The following CFAP77 variants were observed in gnomAD, a reference collection of about 807,000 sequenced individuals.
CFAP77 encodes cilia and flagella associated protein 77, also known as cilia- and flagella-associated protein 77.
In CFAP77, 25 loss-of-function variants were observed where a neutral mutation model predicts 31.1. That is an observed-to-expected ratio of 0.80 (90% CI 0.59 to 1.12). The LOEUF is 1.12. Ranked by LOEUF, CFAP77 falls within the 50% of genes most tolerant of loss-of-function variation. CFAP77 has a pLI of 0.00. For missense variants in CFAP77, 377 were observed against 397.3 expected, an observed-to-expected ratio of 0.95 and a Z score of 0.44; for synonymous variants, 151 against 159.9, an observed-to-expected ratio of 0.94 and a Z score of 0.42.
chr9:132,452,475 G>A (rs1300212566), intron 1 of CFAP77, among the ~76,000 whole-genome samples: 1 of 152,216 alleles, frequency 6.6e-6, no homozygotes, highest in Non-Finnish European at 1.5e-5. Context: ...CCAGGTTGGT[G>A]AGCAGTCCAG....
At chr9:132,525,056 GACGCC>G (rs1032966743) in intron 3 of CFAP77, among the ~76,000 whole-genome samples, 3 of 142,796 alleles carry the variant, frequency 2.1e-5, no homozygotes, top group Admixed American at 7.0e-5. Flanking sequence ...GCCTCATTGT[GACGCC>G]CAGGTTGGAG....
intron 1 of CFAP77, among the ~76,000 whole-genome samples, chr9:132,421,049 C>T (rs1850208277): frequency 6.7e-6 from 1 of 148,978 alleles, no homozygotes; most frequent in African/African-American, 2.5e-5. Context: ...GCTTTGTCAC[C>T]CAGGCTGGAG....
At chr9:132,486,006 A>ATG (rs1177608761) in intron 1 of CFAP77, among the ~76,000 whole-genome samples, 1 of 30,866 alleles carries the variant, frequency 3.2e-5, no homozygotes, top group African/African-American at 2.0e-4. Context: ...ATATATATAT[A>ATG]TATATATATA....
chr9:132,420,219 G>A (rs115144595), intron 1 of CFAP77, among the ~76,000 whole-genome samples: 1,985 of 151,446 alleles, frequency 0.013, 40 homozygotes, highest in African/African-American at 0.045. Flanking sequence ...ACGTTTAAGC[G>A]TTGAGGCAGG....
At chr9:132,526,248 G>C (rs1408558649) in intron 3 of CFAP77, among the ~76,000 whole-genome samples, 1 of 150,032 alleles carries the variant, frequency 6.7e-6, no homozygotes. Flanking sequence ...TTTATTTTTT[G>C]AGATGGAGTC....
At chr9:132,456,737 C>T (rs1176716686) in intron 1 of CFAP77, among the ~76,000 whole-genome samples, 1 of 152,076 alleles carries the variant, frequency 6.6e-6, no homozygotes, top group Admixed American at 6.6e-5. Flanking sequence ...GCTGATCCAA[C>T]TGGAGATTTA....
At chr9:132,531,842 T>TC (rs1247350901) in intron 3 of CFAP77, among the ~76,000 whole-genome samples, 1 of 152,032 alleles carries the variant, frequency 6.6e-6, no homozygotes, top group African/African-American at 2.4e-5. Flanking sequence ...CAAGCCCCTT[T>TC]CCCAGTAATA....
intron 3 of CFAP77, among the ~76,000 whole-genome samples, chr9:132,529,740 T>C (rs1197455209): frequency 6.6e-6 from 1 of 150,646 alleles, no homozygotes. Flanking sequence ...ACAGGAGAGT[T>C]GCTTGAACCC....
intron 1 of CFAP77, among the ~76,000 whole-genome samples, chr9:132,421,994 C>T (rs1337271737): frequency 6.6e-6 from 1 of 151,760 alleles, no homozygotes; most frequent in African/African-American, 2.4e-5. Flanking sequence ...GTGGATAAGA[C>T]AGCCTTAGTC....
At chr9:132,423,039 A>G (rs887154790) in intron 1 of CFAP77, among the ~76,000 whole-genome samples, 6 of 152,176 alleles carry the variant, frequency 3.9e-5, no homozygotes, top group Non-Finnish European at 5.9e-5. Context: ...TGCTGGAGCA[A>G]TTCCGGGGAG....
intron 1 of CFAP77, among the ~76,000 whole-genome samples, chr9:132,452,982 T>C (rs1046881956): frequency 6.6e-6 from 1 of 152,206 alleles, no homozygotes; most frequent in African/African-American, 2.4e-5. Context: ...AATTCTGCCA[T>C]TGTATTTCTT....
chr9:132,519,400 G>T (rs188399192), intron 3 of CFAP77, among the ~76,000 whole-genome samples: 1 of 125,976 alleles, frequency 7.9e-6, no homozygotes, highest in Non-Finnish European at 1.7e-5. Context: ...GGATGGGTGG[G>T]CGGGTGGGTA....
In CFAP77 at chr9:132,490,397, G is replaced by A. The variant is rs1851633704; in HGVS notation, c.196-8298G>A. On this transcript the variant is annotated intron_variant, in intron 1 of 5. Coordinates refer to ENST00000393216, the MANE Select transcript of CFAP77 (RefSeq NM_001282957.2). This position sits in a 1 kb window ranked among gnomAD's most constrained non-coding sequence, Gnocchi z 4.6. ...CTCAGATGTCTGTCACAACCTGCTT[G>A]CCTGTGTCTGAAAGTTCGGGGTCAG... is the stretch of plus-strand genomic sequence containing the variant. Among the ~76,000 whole-genome samples the A allele has an allele frequency of 6.6e-6, 1 of 152,192 alleles. No homozygotes were observed. The highest frequency in any genetic ancestry group is 1.5e-5 in the Non-Finnish European group (1 of 68,040).
intron 1 of CFAP77, among the ~76,000 whole-genome samples, chr9:132,431,369 T>A (rs2131691488): frequency 6.6e-6 from 1 of 152,272 alleles, no homozygotes; most frequent in East Asian, 1.9e-4. Context: ...AGAAGTATAT[T>A]TGACATGCAA....
intron 1 of CFAP77, among the ~76,000 whole-genome samples, chr9:132,429,537 CAAAA>C (rs762588728): frequency 1.0e-4 from 4 of 39,456 alleles, no homozygotes; most frequent in East Asian, 1.1e-3. Flanking sequence ...GACTTCAACT[CAAAA>C]AAAAAAAAAA....
In CFAP77 at chr9:132,424,858, C is replaced by G. The variant is rs1190907777; in HGVS notation, c.195+14392C>G. On this transcript the variant is annotated intron_variant, in intron 1 of 5. Transcript: ENST00000393216. This position sits in a 1 kb window ranked among gnomAD's most constrained non-coding sequence, Gnocchi z 4.1. The stretch of plus-strand genomic sequence containing the variant: ...CCCCCTTTTCAAAGGAAAGGCATCC[C>G]CTCCTCCTCTCCCAAACACGGCTCC... Among the ~76,000 whole-genome samples, 1 of 152,166 alleles carries G rather than the reference C, an allele frequency of 6.6e-6. No homozygotes were observed. Among genetic ancestry groups the G allele is most frequent in the Admixed American group, 6.5e-5 (1 of 15,278 alleles).
chr9:132,438,519 G>GTGTATATATATA (rs1491578851), intron 1 of CFAP77, among the ~76,000 whole-genome samples: 2 of 116,708 alleles, frequency 1.7e-5, no homozygotes, highest in African/African-American at 6.8e-5. Flanking sequence ...AACAGATATG[G>GTGTATATATATA]TATATATATA....
chr9:132,477,112 C>G (rs1564218657), intron 1 of CFAP77, among the ~76,000 whole-genome samples: 1 of 152,150 alleles, frequency 6.6e-6, no homozygotes, highest in Non-Finnish European at 1.5e-5. Context: ...CTCTGTGTGC[C>G]AGGATGCTCA....
Position 132,565,556 on chromosome 9 carries a change from G to A in CFAP77, c.733-6832G>A, listed in dbSNP as rs1001550376. 6.6e-6 allele frequency among the ~76,000 whole-genome samples: 1 copy of A among 151,970 alleles called. No homozygotes were observed. Among genetic ancestry groups the A allele is most frequent in the African/African-American group, 2.4e-5 (1 of 41,368 alleles). Reference sequence around the variant, plus strand: ...TGAGGAAGGAGGATCGCTTGAACCCGGGAGGCAGAGTTTGCAGTGAGCTGA... The same window carrying A: ...TGAGGAAGGAGGATCGCTTGAACCCAGGAGGCAGAGTTTGCAGTGAGCTGA... On this transcript the variant is annotated intron_variant, in intron 5 of 5. Transcript: ENST00000393216. The surrounding 1 kb of genome is among the most constrained non-coding windows in gnomAD (Gnocchi z 4.1).
Sources: allele counts gnomAD v4.1 joint callset (sites outside exome capture counted in the v4.1 genomes callset), GRCh38; gene constraint gnomAD v4.1.1; non-coding constraint Gnocchi (gnomAD v3.1); transcripts MANE v1.5; gene names NCBI Gene and HGNC (gene_info 2026-07-23, HGNC 2026-07-21).